SNTG1: variants seen among roughly 807,000 people sequenced by gnomAD.
SNTG1 encodes syntrophin gamma 1, also known as gamma-1-syntrophin.
SNTG1 carries 39 observed loss-of-function variants against 74.7 expected under a neutral mutation model. The observed-to-expected ratio is 0.52, with a 90% CI of 0.40 to 0.68. SNTG1 has a LOEUF of 0.68. SNTG1 is among the 30% of genes least tolerant of loss of function. SNTG1 has a pLI of 0.00. For missense variants in SNTG1, 685 were observed against 609.5 expected (o/e 1.12, Z -1.30); for synonymous variants, 254 against 217.1 (o/e 1.17, Z -1.49).
intron 8 of SNTG1, among the ~76,000 whole-genome samples, chr8:50,463,588 G>T (rs1017055886): frequency 1.3e-5 from 2 of 152,214 alleles, no homozygotes; most frequent in African/African-American, 4.8e-5. Context: ...CGTCTCAACA[G>T]TGAGCTTAAA....
chr8:49,981,837 C>T (rs1812707951), intron 1 of SNTG1, among the ~76,000 whole-genome samples: 1 of 152,006 alleles, frequency 6.6e-6, no homozygotes, highest in Non-Finnish European at 1.5e-5. Flanking sequence ...CCTCTTTGGG[C>T]TTTCAGAGTA....
chr8:50,306,651 A>ATGTTGGCCATTTTTTCTTGTT (rs2089910448), intron 2 of SNTG1, among the ~76,000 whole-genome samples: 3 of 151,532 alleles, frequency 2.0e-5, no homozygotes, highest in South Asian at 4.2e-4. Context: ...ATGATTAGTG[A>ATGTTGGCCATTTTTTCTTGTT]TGTTGGCCAT....
At chr8:50,367,066 G>A (rs1302150344) in intron 2 of SNTG1, among the ~76,000 whole-genome samples, 1 of 151,484 alleles carries the variant, frequency 6.6e-6, no homozygotes, top group Non-Finnish European at 1.5e-5. Context: ...ATAGCATGGA[G>A]TCCTAGAACC....
At chr8:50,236,665 T>G (rs568563875) in intron 2 of SNTG1, among the ~76,000 whole-genome samples, 5 of 152,072 alleles carry the variant, frequency 3.3e-5, no homozygotes, top group Non-Finnish European at 7.4e-5. Context: ...TTAGCCAGGA[T>G]GGTCTCGATC....
intron 17 of SNTG1, among the ~76,000 whole-genome samples, chr8:50,746,120 A>T (rs1306049893): frequency 6.6e-6 from 1 of 151,988 alleles, no homozygotes; most frequent in African/African-American, 2.4e-5. Flanking sequence ...GAAATTAGAA[A>T]ATAAGGAATT....
At chr8:50,039,475 A>C (rs935682443) in intron 1 of SNTG1, among the ~76,000 whole-genome samples, 2 of 151,108 alleles carry the variant, frequency 1.3e-5, no homozygotes, top group Non-Finnish European at 3.0e-5. Context: ...AAAAAAAAAA[A>C]AAAAAAAACT....
intron 1 of SNTG1, among the ~76,000 whole-genome samples, chr8:49,956,585 G>C (rs1810194093): frequency 6.6e-6 from 1 of 152,152 alleles, no homozygotes; most frequent in Non-Finnish European, 1.5e-5. Flanking sequence ...TTGTTGATTA[G>C]TGTTTCCCAA....
At chr8:50,484,137 C>CTTTCTTTCTTTCTTTCT (rs1563453444) in intron 8 of SNTG1, among the ~76,000 whole-genome samples, 8 of 55,866 alleles carry the variant, frequency 1.4e-4, no homozygotes, top group East Asian at 6.4e-4. Flanking sequence ...TCTTTCTTTC[C>CTTTCTTTCTTTCTTTCT]TTCTTTCTTT....
intron 2 of SNTG1, among the ~76,000 whole-genome samples, chr8:50,181,083 G>A (rs2083190476): frequency 1.3e-5 from 2 of 152,118 alleles, no homozygotes; most frequent in African/African-American, 4.8e-5. Context: ...TTGAAGAGAA[G>A]TCTTGCATTA....
chr8:50,032,593 G>A (rs1243216376), intron 1 of SNTG1, among the ~76,000 whole-genome samples: 1 of 152,036 alleles, frequency 6.6e-6, no homozygotes, highest in Non-Finnish European at 1.5e-5. Flanking sequence ...GACTTCTCCA[G>A]TAACCAATGT....
At chr8:49,956,880 C>T (rs978930361) in intron 1 of SNTG1, among the ~76,000 whole-genome samples, 2 of 152,060 alleles carry the variant, frequency 1.3e-5, no homozygotes, top group African/African-American at 2.4e-5. Flanking sequence ...TTTCTTTCCC[C>T]TCCTCCAGCT....
chr8:50,609,724 A>G (rs2094837017), intron 13 of SNTG1, among the ~76,000 whole-genome samples: 1 of 152,116 alleles, frequency 6.6e-6, no homozygotes, highest in Admixed American at 6.6e-5. Context: ...TCAATCCATT[A>G]TTCATTCTGC....
intron 9 of SNTG1, among the ~76,000 whole-genome samples, chr8:50,517,286 C>T (rs1169729575): frequency 1.3e-5 from 2 of 152,002 alleles, no homozygotes; most frequent in African/African-American, 4.8e-5. Flanking sequence ...ACAAGAGTTC[C>T]TGAAAAAAGT....
intron 1 of SNTG1, among the ~76,000 whole-genome samples, chr8:49,920,040 C>A (rs1313867942): frequency 7.2e-5 from 11 of 152,068 alleles, no homozygotes; most frequent in Non-Finnish European, 1.0e-4. Context: ...TCAAACACAT[C>A]TTTTTCTCAA....
chr8:50,500,525 T>C (rs1486717747), intron 8 of SNTG1, among the ~76,000 whole-genome samples: 1 of 152,204 alleles, frequency 6.6e-6, no homozygotes, highest in Non-Finnish European at 1.5e-5. Context: ...ATATGTGATT[T>C]ATCTCATTGG....
chr8:50,522,651 T>A (rs310570), intron 9 of SNTG1, among the ~76,000 whole-genome samples: 20,902 of 148,376 alleles, frequency 0.14, 1,577 homozygotes, highest in African/African-American at 0.19. Context: ...TGATCTACAC[T>A]AATTGCAGCC....
Position 50,484,102 on chromosome 8 carries a change from C to CTCTTTCTTTCTTTCTTTCTTTCTT in SNTG1, c.364-18665_364-18642dup, listed in dbSNP as rs775691106. ...TCTTTTTCTTTCTCTCTTTCTTTCT[C>CTCTTTCTTTCTTTCTTTCTTTCTT]TCTTTCTTTCTTTCTTTCTTTCTTT... On this transcript the variant is annotated intron_variant, in intron 8 of 18. Transcript: ENST00000642720. Among the ~76,000 whole-genome samples the CTCTTTCTTTCTTTCTTTCTTTCTT allele has an allele frequency of 2.4e-3, 264 of 110,856 alleles. 6 individuals are homozygous for CTCTTTCTTTCTTTCTTTCTTTCTT. Among genetic ancestry groups the CTCTTTCTTTCTTTCTTTCTTTCTT allele is most frequent in the African/African-American group, 2.7e-3 (75 of 27,516 alleles). The allele number at this position is 110,856 out of a possible 152,430, so 72.7% of individuals were successfully genotyped here. A position where few individuals can be genotyped will look rare whatever the true frequency, so the allele number is the denominator to read the frequency against.
chr8:50,143,220 G>A (rs1173168450), intron 1 of SNTG1, among the ~76,000 whole-genome samples: 1 of 152,098 alleles, frequency 6.6e-6, no homozygotes, highest in Non-Finnish European at 1.5e-5. Flanking sequence ...TGGGACATTT[G>A]TTTACATGTT....
At chr8:50,002,717 A>G (rs530139749) in intron 1 of SNTG1, among the ~76,000 whole-genome samples, 23 of 152,292 alleles carry the variant, frequency 1.5e-4, no homozygotes, top group African/African-American at 5.1e-4. Flanking sequence ...AAGTTACCCT[A>G]TGATGATATG....
Sources: gnomAD v4.1 joint callset for allele counts (sites outside exome capture counted in the v4.1 genomes callset) on GRCh38, gnomAD v4.1.1 for gene constraint, MANE v1.5 for transcripts, NCBI Gene and HGNC (gene_info 2026-07-23, HGNC 2026-07-21) for gene names.